PPARGC1A: variants seen among roughly 807,000 people sequenced by gnomAD.
PPARGC1A encodes peroxisome proliferator-activated receptor gamma coactivator 1-alpha.
A neutral mutation model predicts 88.7 loss-of-function variants in PPARGC1A; 25 were observed. The observed-to-expected ratio is 0.28, with a 90% confidence interval of 0.21 to 0.39. The LOEUF is 0.39. Among genes scored for constraint, PPARGC1A ranks in the 10% least tolerant of loss-of-function variants. PPARGC1A has a pLI of 1.00. For missense variants in PPARGC1A, 880 were observed against 968.7 expected (o/e 0.91, Z 1.22); for synonymous variants, 363 against 355.6 (o/e 1.02, Z -0.24).
the PPARGC1A span, among the ~76,000 whole-genome samples, chr4:24,463,277 GCAGTTAC>G: frequency 1.3e-5 from 2 of 152,208 alleles, no homozygotes; most frequent in Non-Finnish European, 2.9e-5. Flanking sequence ...TCAGCATGGA[GCAGTTAC>G]CAAAAATAAC....
At chr4:23,941,453 C>T in the PPARGC1A span, among the ~76,000 whole-genome samples, 1 of 152,154 alleles carries the variant, frequency 6.6e-6, no homozygotes, top group Non-Finnish European at 1.5e-5. Flanking sequence ...GGTGTGATAT[C>T]TGTCAGACTC....
intron 1 of PPARGC1A, among the ~76,000 whole-genome samples, chr4:23,898,432 C>A (rs908571680): frequency 6.6e-6 from 1 of 152,138 alleles, no homozygotes; most frequent in Non-Finnish European, 1.5e-5. Context: ...AAATTAACTT[C>A]TCTACCAGAA....
At chr4:24,010,620 AATTC>A in the PPARGC1A span, among the ~76,000 whole-genome samples, 4 of 152,328 alleles carry the variant, frequency 2.6e-5, no homozygotes, top group East Asian at 7.7e-4. Context: ...ATCAAACATT[AATTC>A]ATTCATTTAA....
intron 10 of PPARGC1A, among the ~76,000 whole-genome samples, chr4:23,809,224 C>T (rs191770129): frequency 1.6e-4 from 25 of 152,204 alleles, no homozygotes; most frequent in Admixed American, 1.6e-3. Flanking sequence ...TATCCCTGCA[C>T]TCAAGTCCAT....
chr4:24,234,711 T>C, the PPARGC1A span, among the ~76,000 whole-genome samples: 4 of 152,332 alleles, frequency 2.6e-5, 1 homozygote, highest in South Asian at 8.3e-4. Context: ...CACCTTTACA[T>C]AGAAGTAAAG....
chr4:24,111,054 A>G, the PPARGC1A span, among the ~76,000 whole-genome samples: 50 of 152,288 alleles, frequency 3.3e-4, no homozygotes, highest in African/African-American at 1.2e-3. Context: ...AGGCATTTTA[A>G]GATATTTAAT....
chr4:24,124,170 C>T, the PPARGC1A span, among the ~76,000 whole-genome samples: 1 of 152,220 alleles, frequency 6.6e-6, no homozygotes, highest in Admixed American at 6.5e-5. Flanking sequence ...TAACCCATAA[C>T]CCCATAATCT....
chr4:24,202,188 C>T, the PPARGC1A span, among the ~76,000 whole-genome samples: 140,641 of 152,240 alleles, frequency 0.92, 65,319 homozygotes, highest in East Asian at 1. Flanking sequence ...GATATCATCA[C>T]TTTTAAGCAC....
chr4:24,308,736 A>C, the PPARGC1A span, among the ~76,000 whole-genome samples: 1 of 152,138 alleles, frequency 6.6e-6, no homozygotes, highest in Admixed American at 6.5e-5. Flanking sequence ...ACTTCATTTG[A>C]AATAAAAGAG....
the PPARGC1A span, among the ~76,000 whole-genome samples, chr4:24,037,305 C>A: frequency 1.3e-5 from 2 of 152,224 alleles, no homozygotes; most frequent in East Asian, 3.9e-4. Flanking sequence ...GCTACTATTA[C>A]TATTATTAGA....
the PPARGC1A span, among the ~76,000 whole-genome samples, chr4:24,269,488 G>T: frequency 1.6e-4 from 25 of 152,276 alleles, no homozygotes; most frequent in East Asian, 4.8e-3. Context: ...ATGATAATTT[G>T]AGTTCTACGT....
chr4:24,340,860 C>T, the PPARGC1A span, among the ~76,000 whole-genome samples: 7 of 152,042 alleles, frequency 4.6e-5, no homozygotes, highest in Non-Finnish European at 1.0e-4. Flanking sequence ...CTTTCTCATC[C>T]ACCCGCCACT....
At chr4:24,156,952 G>A in the PPARGC1A span, among the ~76,000 whole-genome samples, 1 of 151,986 alleles carries the variant, frequency 6.6e-6, no homozygotes, top group Non-Finnish European at 1.5e-5. Flanking sequence ...TTTTTACTAA[G>A]CTAATCCACA....
At chr4:24,467,413 C>T in the PPARGC1A span, among the ~76,000 whole-genome samples, 2 of 152,140 alleles carry the variant, frequency 1.3e-5, no homozygotes, top group East Asian at 3.8e-4. Context: ...TATAGAAGCC[C>T]AGTTGATATT....
At chr4:24,226,336 T>G in the PPARGC1A span, among the ~76,000 whole-genome samples, 1 of 152,172 alleles carries the variant, frequency 6.6e-6, no homozygotes, top group African/African-American at 2.4e-5. Context: ...TAATAGATGT[T>G]CGCCGTGGAA....
At chr4:23,934,402 AG>A in the PPARGC1A span, among the ~76,000 whole-genome samples, 1 of 152,196 alleles carries the variant, frequency 6.6e-6, no homozygotes, top group Non-Finnish European at 1.5e-5. Context: ...TAGCCGTGCT[AG>A]TAGACAGCAT....
At chr4:24,443,359 G>C in the PPARGC1A span, among the ~76,000 whole-genome samples, 2 of 151,830 alleles carry the variant, frequency 1.3e-5, no homozygotes, top group Non-Finnish European at 2.9e-5. Flanking sequence ...TCAGCAGAAT[G>C]AGAGATGACG....
In PPARGC1A at chr4:23,824,208, C is replaced by A. The variant is rs77955947; in HGVS notation, c.877+72G>T. The A allele has an allele frequency of 3.2e-3, 4,234 of 1,306,610 alleles. 112 individuals are homozygous for A. The African/African-American group carries it at 0.053, about 17-fold the overall frequency. 80.9% of individuals were successfully genotyped at this position (1,306,610 alleles called of 1,614,324 possible). ...TCATTAACCACATAGACAGTACACT[C>A]TGTTATCTTATTACACACACACACA... On this transcript the variant is annotated intron_variant, in intron 7 of 12. Transcript: ENST00000264867.
At chr4:24,196,985 C>A in the PPARGC1A span, among the ~76,000 whole-genome samples, 7 of 152,290 alleles carry the variant, frequency 4.6e-5, 1 homozygote, top group African/African-American at 1.7e-4. Flanking sequence ...TGCTTGAGCA[C>A]TGGATATTTT....
Sources: gnomAD v4.1 joint callset for allele counts (sites outside exome capture counted in the v4.1 genomes callset) on GRCh38, gnomAD v4.1.1 for gene constraint, MANE v1.5 for transcripts, NCBI Gene and HGNC (gene_info 2026-07-23, HGNC 2026-07-21) for gene names.